Variants in XIRP2 observed in about 807,000 individuals in gnomAD.
XIRP2 encodes xin actin binding repeat containing 2, also known as xin actin-binding repeat-containing protein 2.
In XIRP2, 236 loss-of-function variants were observed where a neutral mutation model predicts 277.0. The ratio of observed to expected loss-of-function variants is 0.85; its 90% CI spans 0.77 to 0.95. The LOEUF is 0.95. Among genes scored for constraint, XIRP2 ranks in the 40% least tolerant of loss-of-function variants. The pLI is 0.00. For missense variants in XIRP2, 4,640 were observed against 4,157.5 expected (o/e 1.12, Z -3.19); for synonymous variants, 1,490 against 1,416.5 (o/e 1.05, Z -1.17).
chr2:166,965,798 G>A (rs1414197529), intron 2 of XIRP2, among the ~76,000 whole-genome samples: 2 of 151,690 alleles, frequency 1.3e-5, no homozygotes, highest in African/African-American at 4.8e-5. Context: ...GCTAAGGTTG[G>A]TCTGAAACTC....
At chr2:166,985,869 T>C (rs1686991318) in intron 2 of XIRP2, among the ~76,000 whole-genome samples, 1 of 152,180 alleles carries the variant, frequency 6.6e-6, no homozygotes, top group African/African-American at 2.4e-5. Flanking sequence ...AGTATCATAT[T>C]CCTAAAATCA....
At chr2:167,005,355 G>A (rs991637050) in intron 2 of XIRP2, among the ~76,000 whole-genome samples, 3 of 151,846 alleles carry the variant, frequency 2.0e-5, no homozygotes, top group African/African-American at 7.2e-5. Flanking sequence ...TGCAGGTGGT[G>A]AATCATGGGC....
At chr2:166,922,319 G>T (rs1181524155) in intron 2 of XIRP2, among the ~76,000 whole-genome samples, 1 of 152,086 alleles carries the variant, frequency 6.6e-6, no homozygotes, top group African/African-American at 2.4e-5. Flanking sequence ...TGACCTGTTT[G>T]TCCTACTGTA....
chr2:167,110,501 ACT>A (rs1690722365), intron 2 of XIRP2, among the ~76,000 whole-genome samples: 1 of 151,904 alleles, frequency 6.6e-6, no homozygotes, highest in South Asian at 2.1e-4. Context: ...TTATTTCTGT[ACT>A]CTCTATTCTG....
intron 3 of XIRP2, among the ~76,000 whole-genome samples, chr2:167,202,153 A>AC (rs1559018870): frequency 6.6e-6 from 1 of 151,958 alleles, no homozygotes; most frequent in African/African-American, 2.4e-5. Context: ...AAATATGCAC[A>AC]CTCTACAGGC....
At chr2:167,199,363 T>G (rs1662449236) in intron 3 of XIRP2, among the ~76,000 whole-genome samples, 1 of 152,218 alleles carries the variant, frequency 6.6e-6, no homozygotes. Context: ...CACAGATTAT[T>G]AAAGCTTAAT....
chr2:166,983,776 T>C (rs1686932567), intron 2 of XIRP2, among the ~76,000 whole-genome samples: 1 of 152,232 alleles, frequency 6.6e-6, no homozygotes, highest in African/African-American at 2.4e-5. Context: ...GTTCTCTTTT[T>C]ACAAATAGTT....
chr2:167,079,091 G>A (rs1689659377), intron 2 of XIRP2, among the ~76,000 whole-genome samples: 1 of 152,148 alleles, frequency 6.6e-6, no homozygotes, highest in Non-Finnish European at 1.5e-5. Flanking sequence ...TTTATTGAAT[G>A]CTTTTCCCAC....
At chr2:167,042,500 T>A (rs181086509) in intron 2 of XIRP2, among the ~76,000 whole-genome samples, 75 of 152,092 alleles carry the variant, frequency 4.9e-4, no homozygotes, top group African/African-American at 1.8e-3. Context: ...GAAAGATCTA[T>A]CAAGAAAATA....
rs768389140 is a variant in XIRP2, at chr2:167,248,236, G to A, written c.6844G>A (p.Val2282Ile). The A allele has an allele frequency of 6.2e-7, 1 of 1,613,532 alleles. No individual in the cohort carries two copies. Among genetic ancestry groups the A allele is most frequent in the East Asian group, 2.2e-5 (1 of 44,828 alleles). The change falls in exon 9 of 11, where the codon GTA becomes ATA. Residue 2282 changes from valine (V) to isoleucine (I), a missense_variant. Val to Ile is a conservative substitution (Grantham distance 29). Transcript: ENST00000409195. ...AATCAACTTTAACCCTGAGAATAATGTAAAAGAAAGTGAGTGCCCCCTTCC... is the reference window on the plus strand; with the variant it reads ...AATCAACTTTAACCCTGAGAATAATATAAAAGAAAGTGAGTGCCCCCTTCC... ...NPINFNPENN[V>I]KESECPLPPP... is the part of the protein sequence containing the mutation.
rs74494873 is a variant in XIRP2, at chr2:167,244,393, G to A, written c.3001G>A (p.Val1001Ile). The stretch of plus-strand genomic sequence containing the variant: ...AGATCCCCTTGGAAAATATCATCAA[G>A]TAAAGACAGTCCAGCAAGAAGAAAT... ...IQDPLGKYHQ[V>I]KTVQQEEIVR... Residue 1001 changes from valine (V) to isoleucine (I), a missense_variant, in exon 9 of 11, where the codon GTA (valine) becomes ATA (isoleucine). Val to Ile is a conservative substitution (Grantham distance 29). Transcript: ENST00000409195. 5.9e-4 allele frequency: 959 copies of A among 1,613,642 alleles called. 5 individuals are homozygous for A. The East Asian group carries it at 0.018, about 31-fold the overall frequency.
intron 1 of XIRP2, among the ~76,000 whole-genome samples, chr2:166,890,274 T>G (rs1684068603): frequency 6.6e-6 from 1 of 152,134 alleles, no homozygotes; most frequent in Admixed American, 6.5e-5. Flanking sequence ...ATTACAGGCA[T>G]GAGCCACCGT....
At chr2:166,967,665 A>T (rs10497304) in intron 2 of XIRP2, among the ~76,000 whole-genome samples, 5,555 of 152,038 alleles carry the variant, frequency 0.037, 116 homozygotes, top group East Asian at 0.061. Context: ...TTCTACCTAT[A>T]ACCACATTAC....
chr2:166,999,736 A>C (rs1687315416), intron 2 of XIRP2, among the ~76,000 whole-genome samples: 1 of 152,180 alleles, frequency 6.6e-6, no homozygotes, highest in Non-Finnish European at 1.5e-5. Context: ...CATCTGACAA[A>C]CTTAAGCAAG....
At chr2:166,906,479 T>C (rs1351868712) in intron 2 of XIRP2, among the ~76,000 whole-genome samples, 1 of 152,102 alleles carries the variant, frequency 6.6e-6, no homozygotes, top group East Asian at 1.9e-4. Flanking sequence ...TACTTGTAAG[T>C]AGATGTACAT....
chr2:166,974,545 G>A (rs1482717498), intron 2 of XIRP2, among the ~76,000 whole-genome samples: 1 of 151,658 alleles, frequency 6.6e-6, no homozygotes, highest in Non-Finnish European at 1.5e-5. Flanking sequence ...TACTGCCCAA[G>A]CTTCTTAAAA....
chr2:166,998,178 G>T (rs1041593340), intron 2 of XIRP2, among the ~76,000 whole-genome samples: 1 of 152,060 alleles, frequency 6.6e-6, no homozygotes, highest in Non-Finnish European at 1.5e-5. Flanking sequence ...GTGCTGCAAT[G>T]AACATACGCA....
At position 166,903,903 on chromosome 2, in the gene XIRP2, T is replaced by C. The variant is rs569945918; in HGVS notation, c.408+13T>C. The C allele has an allele frequency of 6.2e-7, 1 of 1,604,134 alleles. No individual in the cohort carries two copies. The highest frequency in any genetic ancestry group is 1.3e-5 in the African/African-American group (1 of 74,668). ...GTACGGTGGAAAGGTAAGGAGCCAT[T>C]GATTGAGAGTCTATGTTTACATATG... On this transcript the variant is annotated intron_variant, in intron 2 of 10. Coordinates refer to ENST00000409195, the MANE Select transcript of XIRP2 (RefSeq NM_152381.6).
At chr2:167,048,977 A>G (rs549024722) in intron 2 of XIRP2, among the ~76,000 whole-genome samples, 4 of 152,028 alleles carry the variant, frequency 2.6e-5, no homozygotes, top group African/African-American at 7.2e-5. Context: ...TGAAAGCCCT[A>G]CTAGTCTTTC....
Sources: gnomAD v4.1 joint callset for allele counts (sites outside exome capture counted in the v4.1 genomes callset) on GRCh38, gnomAD v4.1.1 for gene constraint, MANE v1.5 for transcripts, NCBI Gene and HGNC (gene_info 2026-07-23, HGNC 2026-07-21) for gene names.